The following HTR1F variants were observed in gnomAD, a reference collection of about 807,000 sequenced individuals.
HTR1F encodes the protein 5-hydroxytryptamine (serotonin) receptor 1F, G protein-coupled.
A neutral mutation model predicts 24.0 loss-of-function variants in HTR1F; 17 were observed. The ratio of observed to expected loss-of-function variants is 0.71; its 90% CI spans 0.48 to 1.06. The LOEUF (loss-of-function observed/expected upper bound fraction) is 1.06, where lower values mean the gene tolerates loss of function less well. HTR1F is among the 50% of genes least tolerant of loss of function. The pLI is 0.00. For synonymous variants in HTR1F, 186 were observed against 156.8 expected, an observed-to-expected ratio of 1.19 and a Z score of -1.39; for missense variants, 391 against 427.8, an observed-to-expected ratio of 0.91 and a Z score of 0.76.
chr3:87,947,969 A>G (rs759451161), intron 2 of HTR1F, among the ~76,000 whole-genome samples: 1 of 152,188 alleles, frequency 6.6e-6, no homozygotes, highest in Non-Finnish European at 1.5e-5. Flanking sequence ...GCTATTTTTA[A>G]AAATGTATTA....
chr3:87,795,759 T>C (rs928039332), intron 1 of HTR1F, among the ~76,000 whole-genome samples: 8 of 152,114 alleles, frequency 5.3e-5, no homozygotes, highest in Admixed American at 4.6e-4. Context: ...TGAAGTGCAG[T>C]AGGAAAACTC....
chr3:87,794,042 T>G (rs1703862342), intron 1 of HTR1F, among the ~76,000 whole-genome samples: 1 of 152,088 alleles, frequency 6.6e-6, no homozygotes, highest in Non-Finnish European at 1.5e-5. Flanking sequence ...TCTAGTTCTA[T>G]TTACATACAA....
intron 2 of HTR1F, among the ~76,000 whole-genome samples, chr3:87,875,923 CAAAA>C (rs35699795): frequency 2.3e-5 from 2 of 86,740 alleles, no homozygotes; most frequent in Admixed American, 1.2e-4. Context: ...GGCTCCGTCT[CAAAA>C]AAAAAAAAAA....
At chr3:87,793,022 G>A (rs754627775) in intron 1 of HTR1F, among the ~76,000 whole-genome samples, 180 bp downstream of exon 1, 16 of 152,254 alleles carry the variant, frequency 1.1e-4, no homozygotes, top group Non-Finnish European at 1.9e-4. Context: ...AACAGCGCAG[G>A]AATTCAAGAA....
chr3:87,877,295 A>T (rs1705691750), intron 2 of HTR1F, among the ~76,000 whole-genome samples: 1 of 152,158 alleles, frequency 6.6e-6, no homozygotes, highest in African/African-American at 2.4e-5. Flanking sequence ...TAAATGGAGT[A>T]ATGTGCCTGA....
chr3:87,989,899 C>T (rs1300862796), intron 2 of HTR1F, among the ~76,000 whole-genome samples: 3 of 152,130 alleles, frequency 2.0e-5, no homozygotes, highest in East Asian at 1.9e-4. Context: ...GCTTAAATAC[C>T]TTCTAAGCTA....
chr3:87,908,757 T>C (rs950863717), intron 2 of HTR1F, among the ~76,000 whole-genome samples: 2 of 152,076 alleles, frequency 1.3e-5, no homozygotes, highest in Non-Finnish European at 2.9e-5. Context: ...TATTTGTGAA[T>C]CTTTAAGACT....
intron 2 of HTR1F, among the ~76,000 whole-genome samples, chr3:87,859,578 T>G (rs2107225934): frequency 6.6e-6 from 1 of 152,324 alleles, no homozygotes; most frequent in East Asian, 1.9e-4. Flanking sequence ...GGCATACTGC[T>G]TGTGATTCAG....
chr3:87,838,149 G>C (rs1704722216), intron 2 of HTR1F, among the ~76,000 whole-genome samples: 1 of 152,018 alleles, frequency 6.6e-6, no homozygotes, highest in African/African-American at 2.4e-5. Context: ...TATAATAATT[G>C]CTAATAGAAA....
intron 2 of HTR1F, among the ~76,000 whole-genome samples, chr3:87,874,161 C>T (rs1705618998): frequency 6.6e-6 from 1 of 151,756 alleles, no homozygotes. Context: ...AAAAGGTGAC[C>T]AAATTGGCAA....
At chr3:87,853,107 CTTTG>C (rs555249616) in intron 2 of HTR1F, among the ~76,000 whole-genome samples, 164 of 150,350 alleles carry the variant, frequency 1.1e-3, no homozygotes, top group African/African-American at 3.9e-3. Context: ...CCGCTAGTTT[CTTTG>C]TTTGTTATAA....
intron 2 of HTR1F, among the ~76,000 whole-genome samples, chr3:87,881,796 A>T (rs1705808826): frequency 6.6e-6 from 1 of 152,230 alleles, no homozygotes; most frequent in Non-Finnish European, 1.5e-5. Context: ...GGACATAGGC[A>T]TGGGCAAGGA....
At chr3:87,882,845 T>TA (rs1357380405) in intron 2 of HTR1F, among the ~76,000 whole-genome samples, 1 of 151,802 alleles carries the variant, frequency 6.6e-6, no homozygotes, top group African/African-American at 2.4e-5. Flanking sequence ...CCCTAAAACT[T>TA]AAAGTATAAT....
chr3:87,793,065 C>T (rs1703842868), intron 1 of HTR1F: 1 of 152,526 alleles, frequency 6.6e-6, no homozygotes, highest in Admixed American at 6.5e-5. Context: ...ACAACCTCTG[C>T]TCCCTGGGGG....
chr3:87,852,097 A>G (rs547103504), intron 2 of HTR1F, among the ~76,000 whole-genome samples: 30 of 151,660 alleles, frequency 2.0e-4, no homozygotes, highest in Admixed American at 1.8e-3. Flanking sequence ...TGATACTTTC[A>G]TGGGCATTTC....
At chr3:87,803,272 T>C (rs1324329803) in intron 1 of HTR1F, among the ~76,000 whole-genome samples, 1 of 152,156 alleles carries the variant, frequency 6.6e-6, no homozygotes, top group African/African-American at 2.4e-5. Flanking sequence ...GGCCTTCAAG[T>C]GTAAGGATTA....
chr3:87,800,559 A>G (rs1346094263), intron 1 of HTR1F, among the ~76,000 whole-genome samples: 1 of 152,180 alleles, frequency 6.6e-6, no homozygotes, highest in African/African-American at 2.4e-5. Context: ...ATTTATTTAC[A>G]TGTCTCTTCT....
chr3:87,931,144 C>A (rs1704258993), intron 2 of HTR1F, among the ~76,000 whole-genome samples: 2 of 151,504 alleles, frequency 1.3e-5, no homozygotes, highest in Non-Finnish European at 2.9e-5. Context: ...GTGTGCTGCA[C>A]CCATTAACTC....
At chr3:87,850,906 A>C (rs1421082727) in intron 2 of HTR1F, among the ~76,000 whole-genome samples, 1 of 151,052 alleles carries the variant, frequency 6.6e-6, no homozygotes, top group South Asian at 2.1e-4. Flanking sequence ...TGTTTTCTTC[A>C]TCACAGTTTT....
Sources: allele counts gnomAD v4.1 joint callset (sites outside exome capture counted in the v4.1 genomes callset), GRCh38; gene constraint gnomAD v4.1.1; transcripts MANE v1.5; gene names NCBI Gene and HGNC (gene_info 2026-07-23, HGNC 2026-07-21).